Variants in RRM2 observed in about 807,000 individuals in gnomAD.
RRM2 encodes the protein ribonucleotide reductase regulatory subunit M2, also known as ribonucleoside-diphosphate reductase subunit M2.
RRM2 carries 6 observed loss-of-function variants against 45.9 expected under a neutral mutation model. That is an observed-to-expected ratio of 0.13 (90% confidence interval 0.07 to 0.26). The LOEUF is 0.26. Among genes scored for constraint, RRM2 ranks in the 10% least tolerant of loss-of-function variants. The pLI is 1.00. For synonymous variants in RRM2, 177 were observed against 173.0 expected, an observed-to-expected ratio of 1.02 and a Z score of -0.18; for missense variants, 343 against 489.5, an observed-to-expected ratio of 0.70 and a Z score of 2.82.
upstream of RRM2, among the ~76,000 whole-genome samples, chr2:10,138,952 A>G: frequency 6.6e-6 from 1 of 152,148 alleles, no homozygotes; most frequent in East Asian, 1.9e-4. Flanking sequence ...TACTAAGAAT[A>G]CAAAAATTAG....
upstream of RRM2, among the ~76,000 whole-genome samples, chr2:10,137,891 G>C (rs901078996): frequency 6.6e-6 from 1 of 152,198 alleles, no homozygotes; most frequent in African/African-American, 2.4e-5. Flanking sequence ...TCCTGCAGCT[G>C]CTCTGGCCTT....
At chr2:10,138,162 G>A (rs569993170), upstream of RRM2, among the ~76,000 whole-genome samples, 13 of 126,938 alleles carry the variant, frequency 1.0e-4, no homozygotes, top group African/African-American at 3.6e-4. Flanking sequence ...CATCATGCCC[G>A]GCTAATTTTT....
At chr2:10,157,161 T>C (rs906610018) in intron 3 of RRM2, among the ~76,000 whole-genome samples, 1 of 151,848 alleles carries the variant, frequency 6.6e-6, no homozygotes, top group Non-Finnish European at 1.5e-5. Context: ...CCCGAGTAGC[T>C]GGGACTACAG....
chr2:10,143,257 C>T (rs1446795670), intron 3 of RRM2, among the ~76,000 whole-genome samples: 1 of 152,242 alleles, frequency 6.6e-6, no homozygotes. Context: ...TGTCCCCACC[C>T]ACCCGCTCCT....
chr2:10,179,095 G>A (rs1033891748), intron 3 of RRM2, among the ~76,000 whole-genome samples: 7 of 152,228 alleles, frequency 4.6e-5, no homozygotes, highest in East Asian at 1.9e-4. Flanking sequence ...TATTCTTTTC[G>A]TTACTGAGTG....
chr2:10,192,702 G>A (rs904336591), intron 3 of RRM2: 4 of 153,946 alleles, frequency 2.6e-5, no homozygotes, highest in African/African-American at 9.6e-5. Context: ...AAGTATTAGG[G>A]GGCCTGTCTG....
intron 3 of RRM2, among the ~76,000 whole-genome samples, chr2:10,164,712 G>C (rs1006557977): frequency 6.6e-6 from 1 of 152,190 alleles, no homozygotes; most frequent in African/African-American, 2.4e-5. Context: ...ATCCAACCCT[G>C]GGGACCACCC....
upstream of RRM2, chr2:10,122,585 C>G (rs1412758068): frequency 2.1e-6 from 3 of 1,451,224 alleles, no homozygotes; most frequent in African/African-American, 4.4e-5. Flanking sequence ...CGCGCGGCCC[C>G]GCGGCCAGCC....
chr2:10,137,428 A>T (rs1013674825), upstream of RRM2, among the ~76,000 whole-genome samples: 37 of 152,196 alleles, frequency 2.4e-4, 1 homozygote, highest in Non-Finnish European at 1.3e-4. Flanking sequence ...CTCCCTGGTC[A>T]TTACACTGTG....
At chr2:10,203,339 G>A (rs1353402810) in intron 3 of RRM2, among the ~76,000 whole-genome samples, 3 of 152,194 alleles carry the variant, frequency 2.0e-5, no homozygotes, top group Non-Finnish European at 4.4e-5. Flanking sequence ...CCCACTAGCT[G>A]TGTGACCTCA....
chr2:10,205,871 T>C lies in RRM2; in HGVS notation n.483-4440T>C, dbSNP rs1334842933. 1.3e-5 allele frequency among the ~76,000 whole-genome samples: 2 copies of C among 151,990 alleles called. No individual in the cohort carries two copies. The highest frequency in any genetic ancestry group is 4.8e-5 in the African/African-American group (2 of 41,414). Reference sequence around the variant, plus strand: ...CACCCCTGGATAATTTTTGTATTTTTAGTGGAGACGAGGTTTTCACCACGT... The same window carrying C: ...CACCCCTGGATAATTTTTGTATTTTCAGTGGAGACGAGGTTTTCACCACGT... On this transcript the variant is annotated intron_variant and non_coding_transcript_variant, in intron 3 of 3. Coordinates refer to the RRM2 transcript ENST00000381786. The surrounding 1 kb of genome is among the most constrained non-coding windows in gnomAD (Gnocchi z 4.8).
chr2:10,210,805 C>A, exon 4 of RRM2: 1 of 376,346 alleles, frequency 2.7e-6, no homozygotes, highest in Non-Finnish European at 5.0e-6. Context: ...GGAGGTGGAG[C>A]CTTTGGGAGG....
chr2:10,201,694 G>A (rs1472493672), intron 3 of RRM2, among the ~76,000 whole-genome samples: 1 of 152,172 alleles, frequency 6.6e-6, no homozygotes, highest in Non-Finnish European at 1.5e-5. Flanking sequence ...GAGGAAATCT[G>A]TTACCTACGT....
intron 3 of RRM2, among the ~76,000 whole-genome samples, chr2:10,158,268 A>G (rs1558391523): frequency 6.6e-6 from 1 of 152,132 alleles, no homozygotes; most frequent in Non-Finnish European, 1.5e-5. Flanking sequence ...TGAGGGGGTG[A>G]TACAAAGCGG....
intron 3 of RRM2, among the ~76,000 whole-genome samples, chr2:10,207,033 T>G (rs566431390): frequency 7.2e-5 from 11 of 152,194 alleles, no homozygotes; most frequent in Non-Finnish European, 1.5e-4. Flanking sequence ...AAGGTCTGTG[T>G]GCAGAGGGAA....
At chr2:10,161,322 G>A (rs1663550619) in intron 3 of RRM2, among the ~76,000 whole-genome samples, 2 of 152,214 alleles carry the variant, frequency 1.3e-5, no homozygotes. Context: ...ACCTCTCAAA[G>A]TGCTGCAATT....
Position 10,188,053 on chromosome 2 carries a change from G to A in RRM2, n.483-22258G>A, listed in dbSNP as rs78945285. ...ACTCTAGGGGGTTCCGATGCCCCTC[G>A]AGTTTGAGACCCTCTGGTCTAATGA... On this transcript the variant is annotated intron_variant and non_coding_transcript_variant, in intron 3 of 3. Coordinates refer to the RRM2 transcript ENST00000381786. Among the ~76,000 whole-genome samples the A allele has an allele frequency of 9.8e-3, 1,485 of 152,246 alleles. 30 individuals carry two copies. Among genetic ancestry groups the A allele is most frequent in the African/African-American group, 0.034 (1,424 of 41,524 alleles).
intron 3 of RRM2, among the ~76,000 whole-genome samples, chr2:10,150,934 C>T (rs939851941): frequency 2.0e-5 from 3 of 152,116 alleles, no homozygotes; most frequent in Admixed American, 6.5e-5. Flanking sequence ...CTGCCTCAGC[C>T]TCCCAAGTAG....
At chr2:10,194,831 G>A (rs754075261) in intron 3 of RRM2, among the ~76,000 whole-genome samples, 1 of 152,178 alleles carries the variant, frequency 6.6e-6, no homozygotes, top group Non-Finnish European at 1.5e-5. Context: ...GGTCACAGCC[G>A]CCCCCTGACT....
Sources: gnomAD v4.1 joint callset for allele counts (sites outside exome capture counted in the v4.1 genomes callset) on GRCh38, gnomAD v4.1.1 for gene constraint, Gnocchi (gnomAD v3.1) non-coding constraint, MANE v1.5 for transcripts, NCBI Gene and HGNC (gene_info 2026-07-23, HGNC 2026-07-21) for gene names.